Variants in THADA observed in about 807,000 individuals in gnomAD.
The protein encoded by THADA is tRNA (32-2'-O)-methyltransferase regulator THADA.
In THADA, 213 loss-of-function variants were observed where a neutral mutation model predicts 219.8. The observed-to-expected ratio is 0.97, with a 90% CI of 0.87 to 1.09. The LOEUF (loss-of-function observed/expected upper bound fraction) is 1.09, where lower values mean the gene tolerates loss of function less well. Among genes scored for constraint, THADA ranks in the 50% least tolerant of loss-of-function variants. The pLI is 0.00. For missense variants in THADA, 2,956 were observed against 2,311.3 expected, an observed-to-expected ratio of 1.28 and a Z score of -5.72; for synonymous variants, 1,018 against 828.9, an observed-to-expected ratio of 1.23 and a Z score of -3.92.
intron 30 of THADA, among the ~76,000 whole-genome samples, chr2:43,320,743 G>C (rs747413265): frequency 6.6e-6 from 1 of 152,172 alleles, no homozygotes; most frequent in Non-Finnish European, 1.5e-5. Flanking sequence ...ATATGATGGA[G>C]GCCAAGGCTA....
chr2:43,494,696 A>G (rs116782940), intron 25 of THADA, among the ~76,000 whole-genome samples: 261 of 152,348 alleles, frequency 1.7e-3, no homozygotes, highest in African/African-American at 6.1e-3. Flanking sequence ...GACAGCCATT[A>G]TTATGATTAT....
intron 29 of THADA, among the ~76,000 whole-genome samples, chr2:43,360,148 G>C (rs757359039): frequency 1.3e-5 from 2 of 152,006 alleles, no homozygotes; most frequent in Non-Finnish European, 2.9e-5. Context: ...ACAATTCCAG[G>C]TCATGGCAAT....
chr2:43,498,967 A>T lies in THADA; in HGVS notation c.3622-12T>A. On this transcript the variant is annotated splice_polypyrimidine_tract_variant and intron_variant, in intron 24 of 37. Transcript: ENST00000405975. Reference sequence around the variant, plus strand: ...TTTAAAGCATGAACCTAAAACAAGAAGTTCAAAATTAGTTGTGGGTTGAAA... The same window carrying T: ...TTTAAAGCATGAACCTAAAACAAGATGTTCAAAATTAGTTGTGGGTTGAAA... The T allele has an allele frequency of 6.4e-7, 1 of 1,555,098 alleles. No homozygotes were observed. The highest frequency in any genetic ancestry group is 8.7e-7 in the Non-Finnish European group (1 of 1,148,676).
At chr2:43,591,502 A>T (rs767897898) in intron 3 of THADA, among the ~76,000 whole-genome samples, 1 of 152,156 alleles carries the variant, frequency 6.6e-6, no homozygotes, top group Non-Finnish European at 1.5e-5. Flanking sequence ...TTAATGGCTT[A>T]CAGTAAAGAA....
intron 22 of THADA, among the ~76,000 whole-genome samples, chr2:43,525,829 A>G (rs1693104798): frequency 6.6e-6 from 1 of 152,214 alleles, no homozygotes; most frequent in Non-Finnish European, 1.5e-5. Flanking sequence ...TGGGGACAAA[A>G]GTTAACTAAA....
At chr2:43,504,249 A>T (rs1490615047) in intron 24 of THADA, among the ~76,000 whole-genome samples, 4 of 152,148 alleles carry the variant, frequency 2.6e-5, no homozygotes, top group African/African-American at 9.7e-5. Context: ...ACAACATTTC[A>T]GTCAATTTTT....
At chr2:43,581,711 T>C in intron 8 of THADA, 30 bp downstream of exon 8, 1 of 1,577,386 alleles carries the variant, frequency 6.3e-7, no homozygotes, top group Non-Finnish European at 8.6e-7. Flanking sequence ...GTCAATTATA[T>C]ATCATTTGTA....
In THADA at chr2:43,592,397, A is replaced by G; in HGVS notation, c.-5T>C. ...TTTCTTCTTCTTTACACCCATTTTA[A>G]ATAGAATTAATAGTAGTCACTGCAA... On this transcript the variant is annotated 5_prime_UTR_variant, in exon 2 of 38. Transcript: ENST00000405975. The G allele has an allele frequency of 6.3e-7, 1 of 1,578,602 alleles. No individual in the cohort carries two copies. The highest frequency in any genetic ancestry group is 8.6e-7 in the Non-Finnish European group (1 of 1,157,032).
intron 21 of THADA, among the ~76,000 whole-genome samples, chr2:43,536,286 A>G (rs1270935213): frequency 6.6e-6 from 1 of 152,110 alleles, no homozygotes; most frequent in Non-Finnish European, 1.5e-5. Flanking sequence ...TGGGTTCTCT[A>G]TTCTGTTCCA....
intron 21 of THADA, among the ~76,000 whole-genome samples, chr2:43,537,581 A>C (rs1389219279): frequency 6.6e-6 from 1 of 152,256 alleles, no homozygotes; most frequent in Non-Finnish European, 1.5e-5. Flanking sequence ...AGTTCATTAC[A>C]GAAAATCTAA....
intron 31 of THADA, among the ~76,000 whole-genome samples, chr2:43,314,666 C>T (rs999852497): frequency 1.3e-5 from 2 of 152,188 alleles, no homozygotes; most frequent in Non-Finnish European, 2.9e-5. Flanking sequence ...CAGCCTGAGA[C>T]CCAGCCCTCT....
chr2:43,324,909 T>C (rs1266160835), intron 30 of THADA, among the ~76,000 whole-genome samples: 1 of 152,182 alleles, frequency 6.6e-6, no homozygotes, highest in East Asian at 1.9e-4. Context: ...GTGATCAGCA[T>C]GTAGCAGATG....
chr2:43,338,291 G>A (rs969605232), intron 30 of THADA, among the ~76,000 whole-genome samples: 2 of 151,686 alleles, frequency 1.3e-5, no homozygotes, highest in African/African-American at 4.8e-5. Context: ...CAAGTAGCTG[G>A]GACTACAGGT....
At chr2:43,531,974 T>C (rs985300463) in intron 21 of THADA, among the ~76,000 whole-genome samples, 10 of 146,342 alleles carry the variant, frequency 6.8e-5, no homozygotes, top group African/African-American at 2.5e-4. Context: ...CAGTGTAGGG[T>C]TTTTTTTTTG....
At chr2:43,348,141 A>G (rs1359429562) in intron 29 of THADA, among the ~76,000 whole-genome samples, 1 of 152,188 alleles carries the variant, frequency 6.6e-6, no homozygotes, top group Non-Finnish European at 1.5e-5. Context: ...ATCAACCTTT[A>G]TGAATTGGGA....
chr2:43,267,532 C>T (rs867286331), intron 36 of THADA, among the ~76,000 whole-genome samples: 4 of 152,222 alleles, frequency 2.6e-5, no homozygotes, highest in African/African-American at 7.2e-5. Flanking sequence ...GCTCAACACA[C>T]GATTTCTGAG....
rs780110508 is a variant in THADA, at chr2:43,292,178, G to C, written c.4863C>G (p.Pro1621=). ...TCAGATGGACACAGTGCTCCGTCTG[G>C]GGAAGCCACTCACCAGGGTCCATGC... ...LHCMDPGEWL[P]QTEHCVHLTP... Residue 1621 remains proline, a synonymous_variant, in exon 33 of 38, where the codon CCC becomes CCG. Coordinates refer to ENST00000405975, the MANE Select transcript of THADA (RefSeq NM_022065.5). The C allele has an allele frequency of 6.2e-7, 1 of 1,612,232 alleles. No homozygotes were observed. Among genetic ancestry groups the C allele is most frequent in the South Asian group, 1.1e-5 (1 of 90,520 alleles).
intron 29 of THADA, among the ~76,000 whole-genome samples, chr2:43,374,527 T>C (rs927102376): frequency 7.2e-5 from 11 of 152,160 alleles, no homozygotes; most frequent in African/African-American, 9.7e-5. Context: ...AAGTCAATCA[T>C]TTTCAAAAGT....
chr2:43,380,790 C>T (rs1358974660), intron 29 of THADA, among the ~76,000 whole-genome samples: 1 of 152,128 alleles, frequency 6.6e-6, no homozygotes, highest in Admixed American at 6.5e-5. Flanking sequence ...GAGACTAGAA[C>T]ATCTTGTTCC....
Sources: gnomAD v4.1 joint callset for allele counts (sites outside exome capture counted in the v4.1 genomes callset) on GRCh38, gnomAD v4.1.1 for gene constraint, MANE v1.5 for transcripts, NCBI Gene and HGNC (gene_info 2026-07-23, HGNC 2026-07-21) for gene names.